The following SNTG2 variants were observed in gnomAD, a reference collection of about 807,000 sequenced individuals.
The protein encoded by SNTG2 is gamma-2-syntrophin.
A neutral mutation model predicts 70.9 loss-of-function variants in SNTG2; 74 were observed. The observed-to-expected ratio is 1.04, with a 90% confidence interval of 0.86 to 1.27. The LOEUF (loss-of-function observed/expected upper bound fraction) is 1.27. SNTG2 is among the 50% of genes most tolerant of loss of function. The probability of loss-of-function intolerance (pLI) is 0.00; values close to 1 mark genes in which losing one functional copy is unlikely to be tolerated. For missense variants in SNTG2, 717 were observed against 690.7 expected (o/e 1.04, Z -0.43); for synonymous variants, 278 against 273.8 (o/e 1.02, Z -0.15).
At chr2:1,187,585 A>C (rs889832166) in intron 8 of SNTG2, among the ~76,000 whole-genome samples, 3 of 151,836 alleles carry the variant, frequency 2.0e-5, no homozygotes, top group African/African-American at 7.3e-5. Flanking sequence ...AAACACACAC[A>C]CCCCTCATTG....
At chr2:1,059,399 G>A (rs994414967) in intron 1 of SNTG2, 1 of 151,958 alleles carries the variant, frequency 6.6e-6, no homozygotes, top group African/African-American at 2.4e-5. Flanking sequence ...CAAGATATCT[G>A]TGTAAACATT....
intron 13 of SNTG2, among the ~76,000 whole-genome samples, chr2:1,264,581 G>A (rs142115179): frequency 6.0e-4 from 91 of 152,352 alleles, no homozygotes; most frequent in African/African-American, 1.8e-3. Flanking sequence ...GGTCTGCAGC[G>A]TGGTTGCCAC....
At chr2:1,064,822 A>G (rs1663048336) in intron 1 of SNTG2, among the ~76,000 whole-genome samples, 1 of 152,254 alleles carries the variant, frequency 6.6e-6, no homozygotes, top group Non-Finnish European at 1.5e-5. Flanking sequence ...ATGAAACCAG[A>G]TCAAAACTTA....
intron 1 of SNTG2, among the ~76,000 whole-genome samples, chr2:1,060,809 A>G (rs1314834354): frequency 6.6e-6 from 1 of 152,270 alleles, no homozygotes; most frequent in East Asian, 1.9e-4. Context: ...AAGTTATAAT[A>G]AAAGCTATCA....
chr2:1,015,821 T>C (rs1036401067), intron 1 of SNTG2, among the ~76,000 whole-genome samples: 7 of 152,302 alleles, frequency 4.6e-5, no homozygotes, highest in Middle Eastern at 3.4e-3. Context: ...CTGGGTGCCC[T>C]AGAAATTCCT....
chr2:987,058 A>G (rs1157520223), intron 1 of SNTG2, among the ~76,000 whole-genome samples: 4 of 152,244 alleles, frequency 2.6e-5, no homozygotes, highest in African/African-American at 9.6e-5. Context: ...TGGGAAATGC[A>G]AAAGTTCTAG....
At chr2:1,169,697 A>G (rs1054114063) in intron 7 of SNTG2, among the ~76,000 whole-genome samples, 2 of 152,148 alleles carry the variant, frequency 1.3e-5, no homozygotes, top group Non-Finnish European at 2.9e-5. Context: ...AGTGACTTCA[A>G]TGAGCGTTGC....
Position 1,060,864 on chromosome 2 carries a change from T to G in SNTG2, c.73-22654T>G, listed in dbSNP as rs184277907. Among the ~76,000 whole-genome samples the G allele has an allele frequency of 4.6e-5, 7 of 152,362 alleles. No individual in the cohort carries two copies. In the East Asian group the frequency reaches 5.8e-4, roughly 13 times the overall value. On this transcript the variant is annotated intron_variant, in intron 1 of 16. Transcript: ENST00000308624. ...GTGAAGTCAGACCAGGAGCAGGATA[T>G]GTTCACAGTCCCAATGGGTCCTCCC...
intron 7 of SNTG2, among the ~76,000 whole-genome samples, chr2:1,170,330 C>G (rs535791528): frequency 2.0e-5 from 3 of 152,166 alleles, no homozygotes; most frequent in Non-Finnish European, 4.4e-5. Context: ...CTGTCTAATT[C>G]CAAAACATTT....
intron 6 of SNTG2, among the ~76,000 whole-genome samples, chr2:1,139,408 T>A (rs1374840558): frequency 6.6e-6 from 1 of 151,868 alleles, no homozygotes; most frequent in Non-Finnish European, 1.5e-5. Flanking sequence ...ATTTTTGTAG[T>A]TTTTTTTAGT....
chr2:1,211,196 T>C (rs935425894), intron 9 of SNTG2, among the ~76,000 whole-genome samples: 4 of 152,208 alleles, frequency 2.6e-5, no homozygotes, highest in Admixed American at 2.6e-4. Context: ...TTACAACATG[T>C]TTCTTTGGTT....
At chr2:1,257,859 T>C (rs1678210967) in intron 12 of SNTG2, among the ~76,000 whole-genome samples, 1 of 152,262 alleles carries the variant, frequency 6.6e-6, no homozygotes, top group South Asian at 2.1e-4. Context: ...TTACTAACTA[T>C]ATTTTGAAAA....
chr2:1,307,330 G>C lies in SNTG2; in HGVS notation c.1285-1164G>C, dbSNP rs1424456768. Among the ~76,000 whole-genome samples, 4 of 150,990 alleles carry C rather than the reference G, an allele frequency of 2.6e-5. No individual in the cohort carries two copies. In the East Asian group the frequency reaches 7.8e-4, roughly 30 times the overall value. On this transcript the variant is annotated intron_variant, in intron 14 of 16. Coordinates refer to ENST00000308624, the MANE Select transcript of SNTG2 (RefSeq NM_018968.4). ...CCCTGCATTGTGTGTGTGTGTGTGT[G>C]TGTGTGGTGTATGAGCCATGCACTC...
At chr2:979,714 C>T (rs1436032608) in intron 1 of SNTG2, among the ~76,000 whole-genome samples, 4 of 152,092 alleles carry the variant, frequency 2.6e-5, no homozygotes, top group Admixed American at 1.3e-4. Context: ...CAAATCAGCC[C>T]TACTTATGCA....
chr2:1,151,588 C>T (rs1669500087), intron 6 of SNTG2, among the ~76,000 whole-genome samples: 2 of 152,170 alleles, frequency 1.3e-5, no homozygotes, highest in South Asian at 4.1e-4. Flanking sequence ...CTGCATGTTT[C>T]TTCCACTCTA....
intron 2 of SNTG2, among the ~76,000 whole-genome samples, chr2:1,096,028 T>C (rs1011494694): frequency 6.6e-6 from 1 of 152,154 alleles, no homozygotes; most frequent in African/African-American, 2.4e-5. Context: ...CCCCCCTTGG[T>C]TCTGCAGTCC....
chr2:970,721 A>G (rs1439301322), intron 1 of SNTG2, among the ~76,000 whole-genome samples: 2 of 150,348 alleles, frequency 1.3e-5, no homozygotes, highest in African/African-American at 4.9e-5. Flanking sequence ...TAATGCCACA[A>G]TAAACATACG....
At position 1,103,379 on chromosome 2, in the gene SNTG2, C is replaced by CTT. The variant is rs758261408; in HGVS notation, c.325+4979_325+4980dup. The stretch of plus-strand genomic sequence containing the variant: ...TCAAATAAATAATGATTATAAATTT[C>CTT]TTTTTTTTTTTATTTTTTTTTTTAG... On this transcript the variant is annotated intron_variant, in intron 4 of 16. Transcript: ENST00000308624. The CTT allele has an allele frequency of 2.4e-3, 585 of 248,048 alleles. 3 individuals are homozygous for CTT. Among genetic ancestry groups the CTT allele is most frequent in the South Asian group, 0.015 (358 of 23,458 alleles). The allele number at this position is 248,048 out of a possible 1,614,324, so 15.4% of individuals were successfully genotyped here.
intron 1 of SNTG2, among the ~76,000 whole-genome samples, chr2:1,071,066 G>A (rs1265842065): frequency 6.6e-6 from 1 of 152,250 alleles, no homozygotes; most frequent in Non-Finnish European, 1.5e-5. Flanking sequence ...AGAGGACACA[G>A]AAGCCTCGGG....
Sources: gnomAD v4.1 joint callset for allele counts (sites outside exome capture counted in the v4.1 genomes callset) on GRCh38, gnomAD v4.1.1 for gene constraint, MANE v1.5 for transcripts, NCBI Gene and HGNC (gene_info 2026-07-23, HGNC 2026-07-21) for gene names.